Variants in NCAM1 observed in about 807,000 individuals in gnomAD.
NCAM1 encodes the protein neural cell adhesion molecule 1, also known as antigen recognized by monoclonal antibody 5.1H11.
In NCAM1, 14 loss-of-function variants were observed where a neutral mutation model predicts 109.8. The observed-to-expected ratio is 0.13, with a 90% CI of 0.08 to 0.20. The LOEUF (loss-of-function observed/expected upper bound fraction) is 0.20. NCAM1 is among the 10% of genes least tolerant of loss of function. The pLI is 1.00. For synonymous variants in NCAM1, 418 were observed against 442.9 expected (o/e 0.94, Z 0.70); for missense variants, 774 against 1,109.9 (o/e 0.70, Z 4.30).
intron 9 of NCAM1, among the ~76,000 whole-genome samples, chr11:113,223,090 G>T (rs1471680111): frequency 6.6e-6 from 1 of 151,906 alleles, no homozygotes; most frequent in East Asian, 1.9e-4. Context: ...TCATATTTTT[G>T]GGGAAAAAAG....
intron 1 of NCAM1, among the ~76,000 whole-genome samples, chr11:113,090,865 T>A (rs1555089239): frequency 6.6e-6 from 1 of 152,252 alleles, no homozygotes; most frequent in Non-Finnish European, 1.5e-5. Flanking sequence ...GTGAGTCAGC[T>A]ATTGTGTTAG....
chr11:113,265,179 A>C, intron 17 of NCAM1: 1 of 984,976 alleles, frequency 1.0e-6, no homozygotes, highest in Non-Finnish European at 1.2e-6. Flanking sequence ...TTATTAAAGG[A>C]AATAACAGTT....
At chr11:113,027,089 T>A (rs1952569162) in intron 1 of NCAM1, among the ~76,000 whole-genome samples, 1 of 152,226 alleles carries the variant, frequency 6.6e-6, no homozygotes, top group African/African-American at 2.4e-5. Context: ...TGGGATCACC[T>A]TGAGATTGTC....
chr11:113,208,408 C>A (rs1555113242), intron 7 of NCAM1, among the ~76,000 whole-genome samples: 1 of 152,096 alleles, frequency 6.6e-6, no homozygotes, highest in Non-Finnish European at 1.5e-5. Context: ...TTTCGCTTTG[C>A]TGCACATGCA....
At position 113,206,059 on chromosome 11, in the gene NCAM1, G is replaced by A; in HGVS notation, c.507G>A (p.Leu169=). The change falls in exon 5 of 20, where the codon CTG becomes CTA. Residue 169 remains leucine, a synonymous_variant. Transcript: ENST00000316851. The part of the protein sequence containing the change: ...ILKKDVRFIV[L]SNNYLQIRGI... ...CTCTTCTAGTCCGATTCATAGTCCT[G>A]TCCAACAACTACCTGCAGATCCGGG... The A allele has an allele frequency of 6.2e-7, 1 of 1,613,900 alleles. No homozygotes were observed. The highest frequency in any genetic ancestry group is 8.5e-7 in the Non-Finnish European group (1 of 1,179,862).
At chr11:113,106,115 A>G (rs967117769) in intron 1 of NCAM1, among the ~76,000 whole-genome samples, 2 of 152,210 alleles carry the variant, frequency 1.3e-5, no homozygotes, top group African/African-American at 2.4e-5. Flanking sequence ...TCTGAAAAAA[A>G]ACAAGTCCTG....
intron 1 of NCAM1, among the ~76,000 whole-genome samples, chr11:113,039,454 T>G (rs572052870): frequency 2.8e-4 from 43 of 152,300 alleles, no homozygotes; most frequent in Non-Finnish European, 5.9e-5. Flanking sequence ...TGCCAATAAT[T>G]CAACATTTTC....
At chr11:112,964,335 G>T (rs1161393854) in intron 1 of NCAM1, among the ~76,000 whole-genome samples, 1 of 152,000 alleles carries the variant, frequency 6.6e-6, no homozygotes, top group African/African-American at 2.4e-5. Flanking sequence ...ACAATGAAAG[G>T]TTGTGCAATT....
chr11:113,106,109 A>G (rs1404260098), intron 1 of NCAM1, among the ~76,000 whole-genome samples: 3 of 151,866 alleles, frequency 2.0e-5, no homozygotes, highest in Admixed American at 1.3e-4. Context: ...ATATTATCTG[A>G]AAAAAAACAA....
intron 7 of NCAM1, among the ~76,000 whole-genome samples, chr11:113,210,068 A>G (rs1467832601): frequency 6.6e-6 from 1 of 152,200 alleles, no homozygotes; most frequent in Non-Finnish European, 1.5e-5. Context: ...ACTAGATTGA[A>G]TAAATGAAGG....
intron 1 of NCAM1, among the ~76,000 whole-genome samples, chr11:113,003,551 G>A (rs1316369215): frequency 6.6e-6 from 1 of 152,064 alleles, no homozygotes; most frequent in Non-Finnish European, 1.5e-5. Flanking sequence ...ATTTTTTTCA[G>A]CTTGTTCAGA....
chr11:113,203,302 A>C (rs1466126260), intron 2 of NCAM1, among the ~76,000 whole-genome samples: 4 of 152,190 alleles, frequency 2.6e-5, no homozygotes, highest in African/African-American at 9.7e-5. Flanking sequence ...CTTTGCCTTC[A>C]TTACAGCAAT....
chr11:113,054,030 C>T (rs1953606250), intron 1 of NCAM1, among the ~76,000 whole-genome samples: 1 of 152,192 alleles, frequency 6.6e-6, no homozygotes, highest in Non-Finnish European at 1.5e-5. Context: ...GTTGGTGGCC[C>T]AGCTCTCTGT....
intron 9 of NCAM1, among the ~76,000 whole-genome samples, chr11:113,230,413 T>C (rs971872040): frequency 2.0e-5 from 3 of 152,192 alleles, no homozygotes; most frequent in African/African-American, 7.2e-5. Flanking sequence ...ATGAAATGCA[T>C]TGGGGCTCAG....
At chr11:113,117,631 A>G (rs564613536) in intron 1 of NCAM1, among the ~76,000 whole-genome samples, 34 of 152,218 alleles carry the variant, frequency 2.2e-4, no homozygotes, top group African/African-American at 7.5e-4. Context: ...GCAACTTTGT[A>G]CAGCTGTGTT....
intron 1 of NCAM1, among the ~76,000 whole-genome samples, chr11:113,136,575 C>G (rs529763574): frequency 2.7e-4 from 41 of 152,326 alleles, no homozygotes; most frequent in Non-Finnish European, 5.7e-4. Context: ...GAGCACCATC[C>G]ATGCTTCTCA....
intron 8 of NCAM1, among the ~76,000 whole-genome samples, chr11:113,221,086 A>C (rs572067305): frequency 2.0e-5 from 3 of 152,318 alleles, no homozygotes; most frequent in Admixed American, 6.5e-5. Context: ...TATACATTTT[A>C]ATGTGCCTAA....
In NCAM1 at chr11:113,271,748, C is replaced by T. The variant is rs373848189; in HGVS notation, c.2340-12C>T. 27 of 1,549,302 alleles carry T rather than the reference C, an allele frequency of 1.7e-5. No individual in the cohort carries two copies. In the African/African-American group the frequency reaches 3.6e-4, roughly 20 times the overall value. On this transcript the variant is annotated splice_polypyrimidine_tract_variant and intron_variant, in intron 18 of 19. Transcript: ENST00000316851. ...CTGCCCTAGGGTCTAACCAGCAGTACTGTCTCCACAGGAAAGATGAGTCCA... is the reference window on the plus strand; with the variant it reads ...CTGCCCTAGGGTCTAACCAGCAGTATTGTCTCCACAGGAAAGATGAGTCCA...
At chr11:113,239,384 G>A (rs1555118798) in intron 14 of NCAM1, among the ~76,000 whole-genome samples, 2 of 151,938 alleles carry the variant, frequency 1.3e-5, no homozygotes, top group African/African-American at 4.8e-5. Context: ...CTCCATGACT[G>A]AGCTACCCAC....
Sources: gnomAD v4.1 joint callset for allele counts (sites outside exome capture counted in the v4.1 genomes callset) on GRCh38, gnomAD v4.1.1 for gene constraint, MANE v1.5 for transcripts, NCBI Gene and HGNC (gene_info 2026-07-23, HGNC 2026-07-21) for gene names.